Variants in LRRCC1 observed in about 807,000 individuals in gnomAD.
The protein encoded by LRRCC1 is leucine rich repeat and coiled-coil centrosomal protein 1, also known as leucine-rich repeat and coiled-coil domain-containing protein 1.
In LRRCC1, 115 loss-of-function variants were observed where a neutral mutation model predicts 126.0. The ratio of observed to expected loss-of-function variants is 0.91; its 90% CI spans 0.78 to 1.07. The LOEUF (loss-of-function observed/expected upper bound fraction) is 1.07. Ranked by LOEUF, LRRCC1 falls within the 50% of genes least tolerant of loss-of-function variation. The pLI is 0.00. For missense variants in LRRCC1, 1,172 were observed against 1,175.7 expected (o/e 1.00, Z 0.05); for synonymous variants, 400 against 393.4 (o/e 1.02, Z -0.20).
intron 6 of LRRCC1, among the ~76,000 whole-genome samples, chr8:85,120,133 T>C (rs1184194895): frequency 1.3e-5 from 2 of 152,236 alleles, no homozygotes; most frequent in Non-Finnish European, 2.9e-5. Context: ...TATTGAGTTT[T>C]TTTTTATAGC....
At chr8:85,136,754 T>C (rs906937172) in intron 14 of LRRCC1, among the ~76,000 whole-genome samples, 6 of 152,210 alleles carry the variant, frequency 3.9e-5, no homozygotes, top group African/African-American at 1.2e-4. Flanking sequence ...GCAAGAGATA[T>C]ATACTGGTTT....
chr8:85,112,861 A>G (rs756792358), intron 3 of LRRCC1, 71 bp from the exon 4 acceptor site: 1 of 1,155,772 alleles, frequency 8.7e-7, no homozygotes, highest in Non-Finnish European at 1.2e-6. Context: ...TAACCTATCT[A>G]GCAATTATTT....
chr8:85,124,868 C>T lies in LRRCC1; in HGVS notation c.1201C>T (p.Gln401Ter). 1 of 1,605,704 alleles carries T rather than the reference C, an allele frequency of 6.2e-7. No individual in the cohort carries two copies. Among genetic ancestry groups the T allele is most frequent in the South Asian group, 1.1e-5 (1 of 90,090 alleles). ...ATCTTTAGCAAACTGTCCTATGTTA[C>T]AAGAATCAGAAAAGCCAAAGACTGA... is the stretch of plus-strand genomic sequence containing the variant. ...SSSLANCPML[Q>*]ESEKPKTEII... The change falls in exon 8 of 19, where the codon CAA (glutamine) becomes TAA (stop). Residue 401 changes from glutamine to a stop codon, truncating the protein, a stop_gained. Transcript: ENST00000360375. LOFTEE classifies it high-confidence loss of function.
chr8:85,124,009 T>C (rs1490590376), intron 7 of LRRCC1, among the ~76,000 whole-genome samples: 1 of 152,158 alleles, frequency 6.6e-6, no homozygotes, highest in African/African-American at 2.4e-5. Flanking sequence ...TGAGTCTACA[T>C]GACTAGCCTT....
In LRRCC1 at chr8:85,115,172, C is replaced by G; in HGVS notation, c.617C>G (p.Pro206Arg). The stretch of plus-strand genomic sequence containing the variant: ...GATTGCAAGAACATATTTGGTGAAC[C>G]AGTAAATTTGACAGAAATAAATTCA... ...ILDCKNIFGE[P>R]VNLTEINSSQ... Residue 206 changes from proline to arginine, a missense_variant, in exon 5 of 19, where the codon CCA (proline) becomes CGA (arginine). Pro to Arg is a moderately radical substitution (Grantham distance 103). Coordinates refer to ENST00000360375, the MANE Select transcript of LRRCC1 (RefSeq NM_033402.5). 2 of 1,612,746 alleles carry G rather than the reference C, an allele frequency of 1.2e-6. No homozygotes were observed. Among genetic ancestry groups the G allele is most frequent in the East Asian group, 2.2e-5 (1 of 44,822 alleles).
rs1364716790 is a variant in LRRCC1, at chr8:85,107,418, C to T, written c.104+19C>T. On this transcript the variant is annotated intron_variant, in intron 1 of 18. Transcript: ENST00000360375. ...TGCAGAGGTAAAGGGCGCTCCGCAG[C>T]CAGGAGCGACCCGCGCACTCCCCAG... 6.3e-7 allele frequency: 1 copy of T among 1,587,122 alleles called. No individual in the cohort carries two copies. The highest frequency in any genetic ancestry group is 8.6e-7 in the Non-Finnish European group (1 of 1,161,060).
chr8:85,111,395 T>A (rs1043282464), intron 3 of LRRCC1, among the ~76,000 whole-genome samples: 3 of 152,154 alleles, frequency 2.0e-5, no homozygotes, highest in Non-Finnish European at 2.9e-5. Flanking sequence ...CAAAAGGAAC[T>A]GAGTTTCAAC....
chr8:85,140,036 C>T (rs76038123), intron 17 of LRRCC1, among the ~76,000 whole-genome samples: 5,209 of 152,156 alleles, frequency 0.034, 274 homozygotes, highest in African/African-American at 0.12. Context: ...AACAAATTTA[C>T]AATTAGGAGT....
At chr8:85,121,422 TTTTTGTTTTGTTTTG>T (rs539081432) in intron 6 of LRRCC1, among the ~76,000 whole-genome samples, 68 of 151,944 alleles carry the variant, frequency 4.5e-4, no homozygotes, top group African/African-American at 1.6e-3. Context: ...TTTGTTTTGT[TTTTTGTTTTGTTTTG>T]TTTTGTTTTG....
At position 85,107,293 on chromosome 8, in the gene LRRCC1, G is replaced by T; in HGVS notation, c.-3G>T. 1 of 1,611,218 alleles carries T rather than the reference G, an allele frequency of 6.2e-7. No individual in the cohort carries two copies. Among genetic ancestry groups the T allele is most frequent in the South Asian group, 1.1e-5 (1 of 90,562 alleles). ...TAAGACCCCGCTCCCCGTCGCCAGTGCTATGGAGGCGGCGGCGGCGGTGGT... is the reference window on the plus strand; with the variant it reads ...TAAGACCCCGCTCCCCGTCGCCAGTTCTATGGAGGCGGCGGCGGCGGTGGT... On this transcript the variant is annotated 5_prime_UTR_variant, in exon 1 of 19. Coordinates refer to ENST00000360375, the MANE Select transcript of LRRCC1 (RefSeq NM_033402.5).
chr8:85,127,645 T>C (rs948988193), intron 9 of LRRCC1, among the ~76,000 whole-genome samples: 2 of 152,196 alleles, frequency 1.3e-5, no homozygotes, highest in Admixed American at 1.3e-4. Context: ...CCGATTTCTT[T>C]TAGGCACTTT....
chr8:85,117,897 A>T (rs578101747), intron 6 of LRRCC1, among the ~76,000 whole-genome samples: 45 of 152,102 alleles, frequency 3.0e-4, no homozygotes, highest in Non-Finnish European at 5.6e-4. Context: ...TTAGAGTTAA[A>T]TATTTTTTAG....
chr8:85,115,834 C>T (rs544215193), intron 6 of LRRCC1, among the ~76,000 whole-genome samples: 1 of 152,240 alleles, frequency 6.6e-6, no homozygotes, highest in Admixed American at 6.5e-5. Context: ...TCTTGTTCTG[C>T]AGTACTTTAC....
chr8:85,128,019 C>T (rs1305299163), intron 9 of LRRCC1, among the ~76,000 whole-genome samples: 18 of 152,146 alleles, frequency 1.2e-4, no homozygotes, highest in Non-Finnish European at 4.4e-5. Flanking sequence ...GTGACTGAGT[C>T]ATGGACAGAT....
intron 14 of LRRCC1, among the ~76,000 whole-genome samples, chr8:85,136,934 C>A (rs1028917140): frequency 2.6e-5 from 4 of 152,174 alleles, no homozygotes; most frequent in Non-Finnish European, 4.4e-5. Flanking sequence ...AAGCAATTCT[C>A]CTGCCTCATC....
chr8:85,109,928 AT>A (rs1321510352), intron 2 of LRRCC1, 128 bp downstream of exon 2: 1 of 627,026 alleles, frequency 1.6e-6, no homozygotes, highest in East Asian at 3.0e-5. Flanking sequence ...TATACAAAAT[AT>A]TTTCTCCAAA....
intron 3 of LRRCC1, among the ~76,000 whole-genome samples, chr8:85,110,634 T>C (rs969305414): frequency 3.3e-5 from 5 of 152,214 alleles, no homozygotes; most frequent in Non-Finnish European, 7.3e-5. Context: ...AATTTTAATT[T>C]GAAAATAAAA....
intron 12 of LRRCC1, among the ~76,000 whole-genome samples, chr8:85,133,718 T>C (rs1810655413): frequency 2.6e-5 from 4 of 152,164 alleles, no homozygotes; most frequent in Admixed American, 2.0e-4. Context: ...GGCCATTTCT[T>C]ACCACCTCTA....
intron 17 of LRRCC1, 78 bp from the exon 18 acceptor site, chr8:85,141,304 C>A (rs1024766872): frequency 1.7e-6 from 2 of 1,199,642 alleles, no homozygotes; most frequent in African/African-American, 1.5e-5. Context: ...GTGAGCCACC[C>A]GAGAAGAAAT....
Sources: allele counts gnomAD v4.1 joint callset (sites outside exome capture counted in the v4.1 genomes callset), GRCh38; gene constraint gnomAD v4.1.1; transcripts MANE v1.5; gene names NCBI Gene and HGNC (gene_info 2026-07-23, HGNC 2026-07-21).